USP8: variants seen among roughly 807,000 people sequenced by gnomAD.
The protein encoded by USP8 is ubiquitin carboxyl-terminal hydrolase 8.
USP8 carries 27 observed loss-of-function variants against 130.0 expected under a neutral mutation model. The observed-to-expected ratio is 0.21, with a 90% CI of 0.15 to 0.29. The LOEUF is 0.29. USP8 is among the 10% of genes least tolerant of loss of function. The pLI is 1.00. For missense variants in USP8, 1,029 were observed against 1,312.2 expected, an observed-to-expected ratio of 0.78 and a Z score of 3.33; for synonymous variants, 392 against 444.1, an observed-to-expected ratio of 0.88 and a Z score of 1.48.
At chr15:50,484,188 A>T (rs1262337996) in intron 11 of USP8, 87 bp from the exon 12 acceptor site, 4 of 994,252 alleles carry the variant, frequency 4.0e-6, no homozygotes, top group Non-Finnish European at 5.8e-6. Context: ...TTTCATTCTC[A>T]TAGATTCGGT....
At position 50,506,911 on chromosome 15, in the gene USP8, T is replaced by A. The variant is rs1446697408; in HGVS notation, c.*7823T>A. On this transcript the variant is annotated 3_prime_UTR_variant, in exon 20 of 20. Coordinates refer to ENST00000307179, the MANE Select transcript of USP8 (RefSeq NM_005154.5). The stretch of plus-strand genomic sequence containing the variant: ...AGGTGAAGCTTGCAGTGAGCCGAGA[T>A]CGTGCCACTGCATTCCAGCCTGGGC... The A allele has an allele frequency of 2.4e-5, 3 of 124,894 alleles. No individual in the cohort carries two copies. Among genetic ancestry groups the A allele is most frequent in the African/African-American group, 9.5e-5 (3 of 31,564 alleles). 7.7% of individuals were successfully genotyped at this position (124,894 alleles called of 1,614,324 possible).
chr15:50,503,082 TCA>T lies in USP8; in HGVS notation c.*3996_*3997del, dbSNP rs2052613613. 6.6e-6 allele frequency: 1 copy of T among 152,286 alleles called. No homozygotes were observed. The highest frequency in any genetic ancestry group is 6.5e-5 in the Admixed American group (1 of 15,276). 9.4% of individuals were successfully genotyped at this position (152,286 alleles called of 1,614,324 possible). ...TCAAGGTTCCGCCAGGCCTGGTGGC[TCA>T]CGCCTGTAATCCCAGCACTTTGGGA... is the stretch of plus-strand genomic sequence containing the variant. On this transcript the variant is annotated 3_prime_UTR_variant, in exon 20 of 20. Transcript: ENST00000307179.
chr15:50,485,549 G>GTTTTTT (rs1238541376), intron 12 of USP8, among the ~76,000 whole-genome samples: 1 of 41,686 alleles, frequency 2.4e-5, no homozygotes, highest in Admixed American at 3.8e-4. Context: ...GCAGTTTAGT[G>GTTTTTT]ATTTTTTTTT....
At chr15:50,490,823 G>A (rs899637229) in intron 14 of USP8, among the ~76,000 whole-genome samples, 3 of 152,062 alleles carry the variant, frequency 2.0e-5, no homozygotes, top group African/African-American at 7.2e-5. Context: ...TTCATAGACC[G>A]CCTGTGGTCC....
intron 13 of USP8, 136 bp from the exon 14 acceptor site, chr15:50,490,127 T>C: frequency 9.6e-7 from 1 of 1,041,966 alleles, no homozygotes; most frequent in East Asian, 2.5e-5. Flanking sequence ...AAATTTCTTT[T>C]GAAGTTTATC....
intron 1 of USP8, among the ~76,000 whole-genome samples, chr15:50,428,397 G>A (rs1318568160): frequency 1.3e-5 from 2 of 152,190 alleles, no homozygotes; most frequent in Admixed American, 6.5e-5. Context: ...GATTACAGGC[G>A]TTAGCTACCA....
chr15:50,435,060 AT>A (rs1567597999), intron 1 of USP8, among the ~76,000 whole-genome samples: 1 of 152,024 alleles, frequency 6.6e-6, no homozygotes, highest in Admixed American at 6.6e-5. Flanking sequence ...CTGCTGTTTT[AT>A]TTTTTTTAAA....
chr15:50,426,110 A>C (rs1396100255), intron 1 of USP8, among the ~76,000 whole-genome samples: 1 of 152,218 alleles, frequency 6.6e-6, no homozygotes, highest in Non-Finnish European at 1.5e-5. Context: ...GACAAGAGCA[A>C]AACTCCGTCT....
At chr15:50,427,363 A>G (rs2049771855) in intron 1 of USP8, among the ~76,000 whole-genome samples, 1 of 152,094 alleles carries the variant, frequency 6.6e-6, no homozygotes, top group Non-Finnish European at 1.5e-5. Context: ...AATAGTTCCT[A>G]TTTCATTTTG....
At chr15:50,498,807 G>A (rs2052511309) in intron 19 of USP8, 79 bp downstream of exon 19, 1 of 1,549,452 alleles carries the variant, frequency 6.5e-7, no homozygotes. Flanking sequence ...CTACCTCATG[G>A]AAGAGTAAGA....
intron 12 of USP8, 92 bp from the exon 13 acceptor site, chr15:50,489,709 A>C (rs747926536): frequency 2.6e-5 from 22 of 835,668 alleles, no homozygotes; most frequent in Non-Finnish European, 3.4e-5. Flanking sequence ...TCTTTGGTAC[A>C]AGTAGCTTAA....
chr15:50,484,134 A>G, intron 11 of USP8, 141 bp from the exon 12 acceptor site: 1 of 561,900 alleles, frequency 1.8e-6, no homozygotes, highest in Non-Finnish European at 3.0e-6. Flanking sequence ...GTGACAGTAA[A>G]ATATAATAAA....
Position 50,497,247 on chromosome 15 carries a change from T to G in USP8, c.3038+16T>G, listed in dbSNP as rs116360546. ...ATCTGAAACGGTAAAGGGGAAAGTT[T>G]GTCCTCCTGTTCAGTGAAATTAAAT... On this transcript the variant is annotated intron_variant, in intron 18 of 19. Coordinates refer to ENST00000307179, the MANE Select transcript of USP8 (RefSeq NM_005154.5). The G allele has an allele frequency of 1.9e-3, 3,016 of 1,593,092 alleles. 52 individuals are homozygous for G. In the African/African-American group the frequency reaches 0.038, roughly 20 times the overall value.
chr15:50,436,144 A>G (rs1056754724), intron 1 of USP8, among the ~76,000 whole-genome samples: 8 of 152,202 alleles, frequency 5.3e-5, no homozygotes, highest in Non-Finnish European at 1.0e-4. Context: ...AAAACAAAGT[A>G]AATGCTTTAG....
At chr15:50,425,557 G>A (rs2049684837) in intron 1 of USP8, among the ~76,000 whole-genome samples, 1 of 152,014 alleles carries the variant, frequency 6.6e-6, no homozygotes, top group Non-Finnish European at 1.5e-5. Flanking sequence ...TATCGGTTGT[G>A]TTATGTCTTT....
intron 3 of USP8, among the ~76,000 whole-genome samples, chr15:50,449,170 A>G (rs2050534402): frequency 6.6e-6 from 1 of 152,254 alleles, no homozygotes; most frequent in Admixed American, 6.5e-5. Context: ...AAATAAGTCA[A>G]ATTTATGAAC....
chr15:50,496,496 A>C (rs1480775792), intron 17 of USP8, among the ~76,000 whole-genome samples: 5 of 151,942 alleles, frequency 3.3e-5, no homozygotes, highest in Non-Finnish European at 5.9e-5. Flanking sequence ...AAAAAAAAAA[A>C]AAAACCTTTT....
At chr15:50,475,282 T>C (rs2051525468) in intron 8 of USP8, among the ~76,000 whole-genome samples, 1 of 152,134 alleles carries the variant, frequency 6.6e-6, no homozygotes, top group South Asian at 2.1e-4. Context: ...GATACAATTA[T>C]TAAATAGTTA....
At chr15:50,451,053 A>G (rs1418321842) in intron 4 of USP8, among the ~76,000 whole-genome samples, 2 of 152,166 alleles carry the variant, frequency 1.3e-5, no homozygotes, top group African/African-American at 4.8e-5. Flanking sequence ...CCAGGGTGAC[A>G]TATTTCTTTA....
Sources: gnomAD v4.1 joint callset for allele counts (sites outside exome capture counted in the v4.1 genomes callset) on GRCh38, gnomAD v4.1.1 for gene constraint, MANE v1.5 for transcripts, NCBI Gene and HGNC (gene_info 2026-07-23, HGNC 2026-07-21) for gene names.